The following GALNT2 variants were observed in gnomAD, a reference collection of about 807,000 sequenced individuals.
The protein encoded by GALNT2 is UDP-GalNAc:polypeptide N-acetylgalactosaminyltransferase 2.
A neutral mutation model predicts 81.4 loss-of-function variants in GALNT2; 31 were observed. That is an observed-to-expected ratio of 0.38 (90% CI 0.29 to 0.51). GALNT2 has a LOEUF of 0.51. GALNT2 is among the 20% of genes least tolerant of loss of function. The pLI is 0.87. For synonymous variants in GALNT2, 303 were observed against 287.4 expected, an observed-to-expected ratio of 1.05 and a Z score of -0.55; for missense variants, 629 against 765.7, an observed-to-expected ratio of 0.82 and a Z score of 2.11.
chr1:230,157,311 TG>T (rs550167437), intron 1 of GALNT2, among the ~76,000 whole-genome samples: 8 of 152,098 alleles, frequency 5.3e-5, no homozygotes, highest in Non-Finnish European at 8.8e-5. Flanking sequence ...GGAGTGGCTT[TG>T]GGGGGAAAAA....
chr1:230,265,090 A>C, intron 13 of GALNT2, 151 bp from the exon 14 acceptor site: 1 of 898,538 alleles, frequency 1.1e-6, no homozygotes, highest in Admixed American at 2.1e-5. Flanking sequence ...CCTGACACAC[A>C]CTACCTGTGG....
Position 230,094,499 on chromosome 1 carries a change from G to A in GALNT2, c.126+27093G>A, listed in dbSNP as rs538592137. ...AAAAATACAAAAAAATTAGCCAGGC[G>A]TGGTAGCAGGCACCTGTAATCCCAG... On this transcript the variant is annotated intron_variant, in intron 1 of 15. Coordinates refer to ENST00000366672, the MANE Select transcript of GALNT2 (RefSeq NM_004481.5). 3.9e-5 allele frequency among the ~76,000 whole-genome samples: 6 copies of A among 152,210 alleles called. No individual in the cohort carries two copies. In the East Asian group the frequency reaches 7.7e-4, roughly 20 times the overall value.
chr1:230,230,697 A>G (rs1175825482), intron 3 of GALNT2, among the ~76,000 whole-genome samples: 1 of 152,218 alleles, frequency 6.6e-6, no homozygotes, highest in Admixed American at 6.5e-5. Context: ...GACAGTATCT[A>G]TTCCCCATCT....
chr1:230,217,095 A>T (rs1011552864), intron 3 of GALNT2, among the ~76,000 whole-genome samples: 2 of 152,152 alleles, frequency 1.3e-5, no homozygotes, highest in Non-Finnish European at 2.9e-5. Flanking sequence ...TTAAAAAAAA[A>T]CTCTGCCGTC....
At chr1:230,246,209 A>G (rs1035178235) in intron 8 of GALNT2, 59 bp downstream of exon 8, 13 of 1,231,120 alleles carry the variant, frequency 1.1e-5, no homozygotes, top group African/African-American at 1.5e-5. Context: ...GCATCTGATC[A>G]CCACTCCCTC....
intron 1 of GALNT2, among the ~76,000 whole-genome samples, chr1:230,112,526 G>C (rs2102791387): frequency 6.6e-6 from 1 of 152,258 alleles, no homozygotes; most frequent in Non-Finnish European, 1.5e-5. Context: ...ATTGGGGTGA[G>C]GGCAGTGGAG....
chr1:230,124,260 T>C (rs1202772832), intron 1 of GALNT2, among the ~76,000 whole-genome samples: 3 of 152,230 alleles, frequency 2.0e-5, no homozygotes, highest in Non-Finnish European at 4.4e-5. Flanking sequence ...AATTTTGATG[T>C]AGACATGGAG....
intron 1 of GALNT2, among the ~76,000 whole-genome samples, chr1:230,136,204 T>C (rs1443823960): frequency 1.3e-5 from 2 of 152,114 alleles, no homozygotes. Flanking sequence ...AGGTTTTCAC[T>C]CTTCTGGGGG....
intron 1 of GALNT2, among the ~76,000 whole-genome samples, chr1:230,121,618 G>A (rs560366511): frequency 2.6e-5 from 4 of 152,288 alleles, no homozygotes; most frequent in East Asian, 1.9e-4. Flanking sequence ...TGTTTTTGCC[G>A]AGGAGAACAT....
chr1:230,163,271 C>G (rs1356089747), intron 1 of GALNT2, among the ~76,000 whole-genome samples: 1 of 152,226 alleles, frequency 6.6e-6, no homozygotes, highest in African/African-American at 2.4e-5. Context: ...GAACAAGTTC[C>G]ATGGAGTGCG....
At chr1:230,189,661 AAC>A (rs1259895731) in intron 2 of GALNT2, among the ~76,000 whole-genome samples, 1 of 152,210 alleles carries the variant, frequency 6.6e-6, no homozygotes, top group Non-Finnish European at 1.5e-5. Context: ...AAAGATGCGT[AAC>A]ACTAAAGTTG....
At chr1:230,273,465 A>G (rs1666204566) in intron 14 of GALNT2, among the ~76,000 whole-genome samples, 2 of 152,182 alleles carry the variant, frequency 1.3e-5, no homozygotes, top group African/African-American at 4.8e-5. Flanking sequence ...TAAACTGGAA[A>G]GGGCCTTGCT....
At chr1:230,128,881 T>G (rs1661279808) in intron 1 of GALNT2, among the ~76,000 whole-genome samples, 1 of 152,238 alleles carries the variant, frequency 6.6e-6, no homozygotes, top group African/African-American at 2.4e-5. Flanking sequence ...CGGGGACATC[T>G]CATGCCTCAG....
intron 1 of GALNT2, among the ~76,000 whole-genome samples, chr1:230,074,630 C>G (rs1239231864): frequency 1.3e-5 from 2 of 152,220 alleles, no homozygotes; most frequent in African/African-American, 4.8e-5. Flanking sequence ...TATGGTTAGA[C>G]CTTCTTGTAA....
chr1:230,265,498 C>T (rs1283407701), intron 14 of GALNT2, 131 bp downstream of exon 14: 5 of 1,281,028 alleles, frequency 3.9e-6, no homozygotes, highest in Non-Finnish European at 4.4e-6. Flanking sequence ...GCACCTGGCT[C>T]CTGCTGGCCA....
intron 1 of GALNT2, among the ~76,000 whole-genome samples, chr1:230,072,116 G>A (rs192412990): frequency 6.6e-6 from 1 of 152,114 alleles, no homozygotes; most frequent in African/African-American, 2.4e-5. Context: ...TGGGTGAGTG[G>A]TTGGTCTCCT....
intron 1 of GALNT2, among the ~76,000 whole-genome samples, chr1:230,155,367 G>A (rs960989924): frequency 5.9e-5 from 9 of 152,284 alleles, no homozygotes; most frequent in Admixed American, 2.0e-4. Context: ...GGGAGAGACC[G>A]GCCTCTCCCT....
upstream of GALNT2, among the ~76,000 whole-genome samples, chr1:230,065,744 T>C (rs1659158314): frequency 6.6e-6 from 1 of 152,064 alleles, no homozygotes; most frequent in Admixed American, 6.5e-5. Flanking sequence ...CTGGCTGTCT[T>C]CTCTTTCATT....
chr1:230,149,544 G>T (rs1007005460), intron 1 of GALNT2, among the ~76,000 whole-genome samples: 1 of 152,128 alleles, frequency 6.6e-6, no homozygotes, highest in African/African-American at 2.4e-5. Context: ...CTGTAGACAG[G>T]GGCATGTATT....
Sources: gnomAD v4.1 joint callset for allele counts (sites outside exome capture counted in the v4.1 genomes callset) on GRCh38, gnomAD v4.1.1 for gene constraint, MANE v1.5 for transcripts, NCBI Gene and HGNC (gene_info 2026-07-23, HGNC 2026-07-21) for gene names.